The following UACA variants were observed in gnomAD, a reference collection of about 807,000 sequenced individuals.
The protein encoded by UACA is nuclear membrane binding protein.
In UACA, 112 loss-of-function variants were observed where a neutral mutation model predicts 160.5. That is an observed-to-expected ratio of 0.70 (90% CI 0.60 to 0.82). The LOEUF (loss-of-function observed/expected upper bound fraction) is 0.82, where lower values mean the gene tolerates loss of function less well. UACA is among the 40% of genes least tolerant of loss of function. The pLI, the probability that UACA is intolerant of heterozygous loss-of-function variation, is 0.00. For missense variants in UACA, 1,574 were observed against 1,614.6 expected, an observed-to-expected ratio of 0.97 and a Z score of 0.43; for synonymous variants, 557 against 568.4, an observed-to-expected ratio of 0.98 and a Z score of 0.29.
intron 1 of UACA, among the ~76,000 whole-genome samples, chr15:70,713,542 A>G (rs1898746667): frequency 1.3e-5 from 2 of 152,210 alleles, no homozygotes; most frequent in Admixed American, 1.3e-4. Flanking sequence ...GAGTAAGACA[A>G]TCCCAGGATG....
chr15:70,708,404 T>C (rs1898581566), intron 1 of UACA, among the ~76,000 whole-genome samples: 1 of 152,196 alleles, frequency 6.6e-6, no homozygotes, highest in Non-Finnish European at 1.5e-5. Context: ...TAAATTTTTA[T>C]GTTTCCAGTA....
intron 1 of UACA, among the ~76,000 whole-genome samples, chr15:70,736,084 G>C (rs1330339780): frequency 6.6e-6 from 1 of 152,168 alleles, no homozygotes; most frequent in Non-Finnish European, 1.5e-5. Flanking sequence ...GATTATAATA[G>C]TAATATTATA....
chr15:70,764,479 T>G (rs990613235), upstream of UACA, among the ~76,000 whole-genome samples: 1 of 152,218 alleles, frequency 6.6e-6, no homozygotes, highest in African/African-American at 2.4e-5. Context: ...AAGTCTTCTT[T>G]GGAGTCATTT....
At position 70,667,547 on chromosome 15, in the gene UACA, T is replaced by C. The variant is rs115468507; in HGVS notation, c.3137A>G (p.Asp1046Gly). 1.7e-5 allele frequency: 27 copies of C among 1,613,118 alleles called. No homozygotes were observed. The African/African-American group carries it at 2.9e-4, about 18-fold the overall frequency. The change falls in exon 16 of 19, where the codon GAT becomes GGT. Residue 1046 changes from aspartate (D) to glycine (G), a missense_variant. By Grantham distance (94) the Asp-to-Gly change is moderately conservative. Coordinates refer to ENST00000322954, the MANE Select transcript of UACA (RefSeq NM_018003.4). The stretch of plus-strand genomic sequence containing the variant: ...AGACTTCTCAATGAGAACTGTCTTA[T>C]CTCTCAAATCTTTCTGAAGGGTAAA... ...EIFTLQKDLR[D>G]KTVLIEKSHE...
At position 70,655,859 on chromosome 15, in the gene UACA, G is replaced by A. The variant is rs574208509; in HGVS notation, c.*1197C>T. The A allele has an allele frequency of 4.6e-5, 7 of 152,230 alleles. No homozygotes were observed. Among genetic ancestry groups the A allele is most frequent in the African/African-American group, 1.7e-4 (7 of 41,544 alleles). The allele number at this position is 152,230 out of a possible 1,614,324, so 9.4% of individuals were successfully genotyped here. On this transcript the variant is annotated 3_prime_UTR_variant, in exon 19 of 19. Transcript: ENST00000322954. Reference sequence around the variant, plus strand: ...CAATTTGAGAAAACCTAACTGTAATGATCCATTTATTCAGTTATTTGTTAA... The same window carrying A: ...CAATTTGAGAAAACCTAACTGTAATAATCCATTTATTCAGTTATTTGTTAA...
chr15:70,757,770 C>G (rs2030516182), intron 1 of UACA, among the ~76,000 whole-genome samples: 1 of 152,096 alleles, frequency 6.6e-6, no homozygotes, highest in Non-Finnish European at 1.5e-5. Flanking sequence ...AGTTGCTATT[C>G]TTACTGATGA....
chr15:70,695,773 T>A (rs904643168), intron 2 of UACA, among the ~76,000 whole-genome samples: 7 of 150,988 alleles, frequency 4.6e-5, no homozygotes, highest in Non-Finnish European at 8.9e-5. Flanking sequence ...CAAGTTAAAG[T>A]TAAAAAACTA....
chr15:70,726,500 T>C (rs987465019), intron 1 of UACA, among the ~76,000 whole-genome samples: 2 of 152,254 alleles, frequency 1.3e-5, no homozygotes, highest in African/African-American at 2.4e-5. Context: ...AAAATATGTA[T>C]TCACGACTTT....
chr15:70,662,761 A>C (rs1211545213), intron 17 of UACA, among the ~76,000 whole-genome samples: 2 of 152,258 alleles, frequency 1.3e-5, no homozygotes, highest in African/African-American at 4.8e-5. Context: ...AGAAATGGGG[A>C]AACCATTCCC....
chr15:70,775,943 C>T, the UACA span, among the ~76,000 whole-genome samples: 5 of 152,134 alleles, frequency 3.3e-5, no homozygotes, highest in East Asian at 9.6e-4. Flanking sequence ...GTGATTGTTA[C>T]GTGAACTTTC....
chr15:70,703,465 G>T (rs1041153514), intron 1 of UACA, among the ~76,000 whole-genome samples: 2 of 151,950 alleles, frequency 1.3e-5, no homozygotes, highest in Admixed American at 1.3e-4. Context: ...TCTCATTTTT[G>T]AAACAATGAT....
At chr15:70,778,332 C>T in the UACA span, among the ~76,000 whole-genome samples, 1 of 152,164 alleles carries the variant, frequency 6.6e-6, no homozygotes, top group East Asian at 1.9e-4. Context: ...CTTAAAACAA[C>T]ACAGCTCTGT....
chr15:70,763,544 G>A lies in UACA; in HGVS notation c.-137C>T, dbSNP rs1375540754. 2 of 1,244,876 alleles carry A rather than the reference G, an allele frequency of 1.6e-6. No homozygotes were observed. Among genetic ancestry groups the A allele is most frequent in the Admixed American group, 4.2e-5 (1 of 23,632 alleles). The allele number at this position is 1,244,876 out of a possible 1,614,324, so 77.1% of individuals were successfully genotyped here. A position where few individuals can be genotyped will look rare whatever the true frequency, so the allele number is the denominator to read the frequency against. ...CCTGCCTGCCACCTGCGGGCCCCGG[G>A]CAGCAGACGTCGACAGGCCTGAGGC... is the stretch of plus-strand genomic sequence containing the variant. On this transcript the variant is annotated 5_prime_UTR_variant, in exon 1 of 19. Transcript: ENST00000322954.
chr15:70,671,005 G>A (rs1555409292), intron 15 of UACA, 34 bp downstream of exon 15: 2 of 1,430,968 alleles, frequency 1.4e-6, no homozygotes, highest in East Asian at 2.5e-5. Context: ...TTCTTTAAAT[G>A]TTTTTTAAAA....
chr15:70,666,721 T>A lies in UACA; in HGVS notation c.3960+3A>T. ...ATAGCCGTGCAGACTACTTTGTACC[T>A]ACCTTATTATCTTTTGCTTCTATTT... is the stretch of plus-strand genomic sequence containing the variant. On this transcript the variant is annotated splice_donor_region_variant and intron_variant, in intron 16 of 18. Transcript: ENST00000322954. The A allele has an allele frequency of 6.3e-7, 1 of 1,597,332 alleles. No homozygotes were observed. The highest frequency in any genetic ancestry group is 1.3e-5 in the African/African-American group (1 of 74,246).
chr15:70,715,964 C>T (rs1035450768), intron 1 of UACA, among the ~76,000 whole-genome samples: 8 of 152,132 alleles, frequency 5.3e-5, no homozygotes, highest in Admixed American at 2.0e-4. Flanking sequence ...TAATTTAAGG[C>T]GGTGGATGAT....
intron 2 of UACA, among the ~76,000 whole-genome samples, chr15:70,696,268 G>T (rs78909456): frequency 0.014 from 2,082 of 152,110 alleles, 44 homozygotes; most frequent in African/African-American, 0.049. Context: ...TAATATTTTG[G>T]AATAGAATAA....
At chr15:70,694,096 T>G (rs183102771) in intron 3 of UACA, among the ~76,000 whole-genome samples, 10 of 152,200 alleles carry the variant, frequency 6.6e-5, no homozygotes, top group African/African-American at 2.4e-4. Context: ...CTGTAAAAAC[T>G]AACAAACAAA....
At chr15:70,671,274 C>A (rs1897129946) in intron 14 of UACA, 183 bp from the exon 15 acceptor site, 2 of 438,598 alleles carry the variant, frequency 4.6e-6, no homozygotes, top group Non-Finnish European at 4.1e-6. Context: ...GAAGTACCTA[C>A]AATCTACTGA....
Sources: gnomAD v4.1 joint callset for allele counts (sites outside exome capture counted in the v4.1 genomes callset) on GRCh38, gnomAD v4.1.1 for gene constraint, MANE v1.5 for transcripts, NCBI Gene and HGNC (gene_info 2026-07-23, HGNC 2026-07-21) for gene names.